CNTNAP2: variants seen among roughly 807,000 people sequenced by gnomAD.
The protein encoded by CNTNAP2 is contactin-associated protein-like 2.
In CNTNAP2, 98 loss-of-function variants were observed where a neutral mutation model predicts 155.2. The observed-to-expected ratio is 0.63, with a 90% CI of 0.54 to 0.75. The LOEUF is 0.75. CNTNAP2 is among the 30% of genes least tolerant of loss of function. The pLI, the probability that CNTNAP2 is intolerant of heterozygous loss-of-function variation, is 0.00. For synonymous variants in CNTNAP2, 651 were observed against 631.2 expected (o/e 1.03, Z -0.47); for missense variants, 1,727 against 1,688.1 (o/e 1.02, Z -0.40).
intron 1 of CNTNAP2, among the ~76,000 whole-genome samples, chr7:146,277,005 G>A (rs773933256): frequency 6.6e-6 from 1 of 152,126 alleles, no homozygotes; most frequent in African/African-American, 2.4e-5. Flanking sequence ...TTAAAGATGA[G>A]ATCATCCTGA....
chr7:147,189,589 A>C (rs1802636728), intron 8 of CNTNAP2, among the ~76,000 whole-genome samples: 1 of 152,202 alleles, frequency 6.6e-6, no homozygotes, highest in Admixed American at 6.5e-5. Flanking sequence ...CTAAGTATAA[A>C]TGCACACATC....
intron 13 of CNTNAP2, among the ~76,000 whole-genome samples, chr7:147,799,265 G>A (rs1214133148): frequency 6.6e-6 from 1 of 152,144 alleles, no homozygotes; most frequent in African/African-American, 2.4e-5. Context: ...GAGGAAAGAT[G>A]AAGTTTTTCT....
At chr7:146,303,941 C>G (rs187293757) in intron 1 of CNTNAP2, among the ~76,000 whole-genome samples, 1 of 152,144 alleles carries the variant, frequency 6.6e-6, no homozygotes, top group East Asian at 1.9e-4. Flanking sequence ...CTTTATGAAT[C>G]TGGGTGCTCC....
intron 1 of CNTNAP2, among the ~76,000 whole-genome samples, chr7:146,433,569 AGTCT>A (rs2129117505): frequency 6.6e-6 from 1 of 152,304 alleles, no homozygotes; most frequent in Admixed American, 6.5e-5. Context: ...TGTAAAAATT[AGTCT>A]GTCTATGGAT....
chr7:148,134,007 A>G (rs1804886406), intron 16 of CNTNAP2: 1 of 152,238 alleles, frequency 6.6e-6, no homozygotes, highest in African/African-American at 2.4e-5. Flanking sequence ...ATTGAAAGGA[A>G]TAAAGCCGAA....
intron 1 of CNTNAP2, among the ~76,000 whole-genome samples, chr7:146,753,185 T>A (rs977615347): frequency 6.6e-6 from 1 of 152,162 alleles, no homozygotes; most frequent in African/African-American, 2.4e-5. Flanking sequence ...AATAAATACA[T>A]GAAAATTCTA....
intron 9 of CNTNAP2, among the ~76,000 whole-genome samples, chr7:147,334,821 C>T (rs1037492241): frequency 1.3e-5 from 2 of 152,142 alleles, no homozygotes; most frequent in African/African-American, 4.8e-5. Flanking sequence ...TTTTCTCTCC[C>T]AGGTTAGTGT....
At chr7:146,880,145 T>C (rs1562984941) in intron 3 of CNTNAP2, among the ~76,000 whole-genome samples, 1 of 152,072 alleles carries the variant, frequency 6.6e-6, no homozygotes, top group Non-Finnish European at 1.5e-5. Context: ...CAGCCAAATA[T>C]ATCACAGATA....
At chr7:146,933,319 G>C (rs1796825301) in intron 3 of CNTNAP2, among the ~76,000 whole-genome samples, 1 of 151,960 alleles carries the variant, frequency 6.6e-6, no homozygotes, top group South Asian at 2.1e-4. Context: ...ACAAACCGGA[G>C]AAAAACAGGC....
At chr7:146,850,082 G>GT in intron 3 of CNTNAP2, among the ~76,000 whole-genome samples, 1 of 152,270 alleles carries the variant, frequency 6.6e-6, no homozygotes, top group Non-Finnish European at 1.5e-5. Context: ...AATTTGGTTT[G>GT]CTTGAGTTAA....
At chr7:147,873,567 A>C (rs1023396344) in intron 13 of CNTNAP2, among the ~76,000 whole-genome samples, 1 of 152,174 alleles carries the variant, frequency 6.6e-6, no homozygotes, top group Non-Finnish European at 1.5e-5. Context: ...TAGCTCCCAC[A>C]GGGTCCCTCC....
At chr7:146,233,743 A>C (rs1269143567) in intron 1 of CNTNAP2, among the ~76,000 whole-genome samples, 1 of 151,796 alleles carries the variant, frequency 6.6e-6, no homozygotes, top group Non-Finnish European at 1.5e-5. Context: ...GCGATAGTTT[A>C]CTGAGAATGA....
At chr7:146,522,057 GT>G (rs71525956) in intron 1 of CNTNAP2, among the ~76,000 whole-genome samples, 5,706 of 151,858 alleles carry the variant, frequency 0.038, 163 homozygotes, top group Non-Finnish European at 0.06. Context: ...TATACTCCCT[GT>G]TTTTTTCTAA....
chr7:146,657,821 A>C (rs752733711), intron 1 of CNTNAP2, among the ~76,000 whole-genome samples: 6 of 152,138 alleles, frequency 3.9e-5, no homozygotes, highest in Non-Finnish European at 7.3e-5. Flanking sequence ...AACCTTTTAG[A>C]ATGCAAAATA....
intron 21 of CNTNAP2, among the ~76,000 whole-genome samples, chr7:148,383,408 G>A (rs989926913): frequency 1.3e-5 from 2 of 152,030 alleles, no homozygotes; most frequent in African/African-American, 2.4e-5. Flanking sequence ...ACTGAGAAAT[G>A]TATTTTATCA....
At chr7:147,047,105 C>CTTTTTTTTTTTTTTTTTTTTTTTTTTTT (rs34699998) in intron 4 of CNTNAP2, among the ~76,000 whole-genome samples, 1 of 99,806 alleles carries the variant, frequency 1.0e-5, no homozygotes, top group Non-Finnish European at 2.0e-5. Flanking sequence ...AGTTATGTTT[C>CTTTTTTTTTTTTTTTTTTTTTTTTTTTT]TTTTTTTTTT....
At chr7:146,716,620 A>G (rs898961228) in intron 1 of CNTNAP2, among the ~76,000 whole-genome samples, 13 of 152,202 alleles carry the variant, frequency 8.5e-5, no homozygotes, top group African/African-American at 3.1e-4. Context: ...TTAGGAGTCT[A>G]TCATTCTATA....
At chr7:146,711,201 TACAC>T (rs1057247673) in intron 1 of CNTNAP2, among the ~76,000 whole-genome samples, 14 of 148,840 alleles carry the variant, frequency 9.4e-5, no homozygotes, top group African/African-American at 2.9e-4. Flanking sequence ...TATGTATACA[TACAC>T]ACACATACAC....
chr7:146,505,800 T>C (rs1429897837), intron 1 of CNTNAP2, among the ~76,000 whole-genome samples: 1 of 152,178 alleles, frequency 6.6e-6, no homozygotes, highest in East Asian at 1.9e-4. Flanking sequence ...ATCTTTGGTG[T>C]GCATCTGTAA....
Sources: allele counts gnomAD v4.1 joint callset (sites outside exome capture counted in the v4.1 genomes callset), GRCh38; gene constraint gnomAD v4.1.1; transcripts MANE v1.5; gene names NCBI Gene and HGNC (gene_info 2026-07-23, HGNC 2026-07-21).